The following PCDH11Y variants were observed in gnomAD, a reference collection of about 807,000 sequenced individuals.
PCDH11Y encodes protocadherin 11 Y-linked.
For synonymous variants in PCDH11Y, 9 were observed against 83.6 expected (o/e 0.11, Z 4.87); for missense variants, 12 against 224.8 (o/e 0.05, Z 6.05).
intron 2 of PCDH11Y, among the ~76,000 whole-genome samples, chrY:5,341,197 C>G (rs2124668783): frequency 3.0e-5 from 1 of 33,466 alleles, no homozygotes; most frequent in Non-Finnish European, 7.4e-5. Context: ...ACTCCCCCTC[C>G]TGGGCTCAAG....
At chrY:5,062,169 A>G in intron 1 of PCDH11Y, among the ~76,000 whole-genome samples, 1 of 30,713 alleles carries the variant, frequency 3.3e-5, no homozygotes, top group Non-Finnish European at 7.9e-5. Flanking sequence ...TTATGTAACC[A>G]TAACTCAAAG....
intron 4 of PCDH11Y, among the ~76,000 whole-genome samples, chrY:5,719,998 A>C: frequency 2.1e-4 from 7 of 33,645 alleles, no homozygotes; most frequent in African/African-American, 8.1e-4. Flanking sequence ...TGACCACCTC[A>C]CTGGATTTCA....
Position 5,727,039 on chromosome Y carries a change from C to T in PCDH11Y, c.3353-10233C>T, listed in dbSNP as rs2556830. Among the ~76,000 whole-genome samples the T allele has an allele frequency of 9.1e-5, 3 of 32,960 alleles. No homozygotes were observed. In the East Asian group the frequency reaches 2.4e-3, roughly 26 times the overall value. The allele number at this position is 32,960 out of a possible 37,273, so 88.4% of individuals were successfully genotyped here. On this transcript the variant is annotated intron_variant, in intron 4 of 4. Coordinates refer to the PCDH11Y transcript ENST00000400457. ...AAGAAAGATAAATGGTTATCTAATG[C>T]GGAGCTATTAGTCTTACTATAACTT...
At chrY:5,245,287 T>C in intron 2 of PCDH11Y, among the ~76,000 whole-genome samples, 2 of 31,793 alleles carry the variant, frequency 6.3e-5, no homozygotes, top group Non-Finnish European at 1.5e-4. Flanking sequence ...CTGCTCCCCA[T>C]GCCACCCAAC....
intron 2 of PCDH11Y, among the ~76,000 whole-genome samples, chrY:5,179,625 A>G: frequency 3.0e-5 from 1 of 33,604 alleles, no homozygotes; most frequent in Non-Finnish European, 7.4e-5. Context: ...CTTTCGTTTA[A>G]TTAGATCCCA....
intron 2 of PCDH11Y, among the ~76,000 whole-genome samples, chrY:5,318,594 TCTAA>T (rs2053109455): frequency 2.7e-4 from 9 of 32,896 alleles, no homozygotes; most frequent in Middle Eastern, 0.014. Context: ...TAGTCCTAAA[TCTAA>T]CTGTTTTCAT....
At chrY:5,421,181 A>G in intron 2 of PCDH11Y, among the ~76,000 whole-genome samples, 1 of 31,880 alleles carries the variant, frequency 3.1e-5, no homozygotes, top group Non-Finnish European at 7.6e-5. Context: ...TGGAGGTTGC[A>G]GTGAGCCAAG....
intron 2 of PCDH11Y, among the ~76,000 whole-genome samples, chrY:5,383,000 G>A (rs1602915918): frequency 1.5e-4 from 5 of 32,331 alleles, no homozygotes; most frequent in African/African-American, 6.1e-4. Flanking sequence ...TCAGGAGTTC[G>A]AGACCAGCCT....
intron 4 of PCDH11Y, among the ~76,000 whole-genome samples, chrY:5,690,314 T>G: frequency 3.0e-5 from 1 of 33,142 alleles, no homozygotes; most frequent in Non-Finnish European, 7.5e-5. Flanking sequence ...TTTTTATTCC[T>G]GGGCACAATA....
intron 2 of PCDH11Y, among the ~76,000 whole-genome samples, chrY:5,242,083 C>G (rs2052988854): frequency 3.8e-5 from 1 of 26,377 alleles, no homozygotes; most frequent in Non-Finnish European, 8.6e-5. Flanking sequence ...AACCTTGTCT[C>G]TATAAAAAAA....
chrY:5,393,471 T>C, intron 2 of PCDH11Y, among the ~76,000 whole-genome samples: 1 of 27,278 alleles, frequency 3.7e-5, no homozygotes, highest in Non-Finnish European at 8.4e-5. Context: ...GAAGATTACT[T>C]GAGCCCAGGA....
chrY:5,546,620 C>G (rs2124693569), intron 3 of PCDH11Y, among the ~76,000 whole-genome samples: 1 of 31,759 alleles, frequency 3.1e-5, no homozygotes, highest in African/African-American at 1.2e-4. Context: ...TGAAAGGCAG[C>G]TGGAAGAGGT....
At chrY:5,088,323 A>C in intron 1 of PCDH11Y, among the ~76,000 whole-genome samples, 2 of 33,049 alleles carry the variant, frequency 6.1e-5, no homozygotes, top group Admixed American at 5.5e-4. Context: ...ACTGCTATCA[A>C]TCATTAAAAA....
chrY:5,099,030 C>G, exon 2 of PCDH11Y: 1 of 394,710 alleles, frequency 2.5e-6, no homozygotes, highest in Admixed American at 7.7e-5. Context: ...CAGCAATGCT[C>G]TTCATCAAAG....
intron 4 of PCDH11Y, among the ~76,000 whole-genome samples, chrY:5,626,166 G>A (rs1602953682): frequency 3.2e-5 from 1 of 31,349 alleles, no homozygotes; most frequent in Non-Finnish European, 7.7e-5. Context: ...TATCAATTTC[G>A]TCTAGATTTT....
chrY:5,173,640 T>C, intron 2 of PCDH11Y, among the ~76,000 whole-genome samples: 3 of 33,039 alleles, frequency 9.1e-5, no homozygotes, highest in African/African-American at 3.5e-4. Context: ...GACAAAATTA[T>C]ATTTCAGCAT....
chrY:5,028,931 A>G lies in PCDH11Y; in HGVS notation c.-133-2975A>G, dbSNP rs1602840258. Among the ~76,000 whole-genome samples, 8 of 32,791 alleles carry G rather than the reference A, an allele frequency of 2.4e-4. No homozygotes were observed. In the South Asian group the frequency reaches 5.5e-3, roughly 22 times the overall value. The allele number at this position is 32,791 out of a possible 37,273, so 88.0% of individuals were successfully genotyped here. On this transcript the variant is annotated intron_variant, in intron 1 of 5. Transcript: ENST00000333703. ...GGGAGACAGAGAGAGAGAGAGAAAT[A>G]TTGGTGAAGTAGTATTTTAATTCAC...
At chrY:5,384,223 C>G in intron 2 of PCDH11Y, among the ~76,000 whole-genome samples, 1 of 32,296 alleles carries the variant, frequency 3.1e-5, no homozygotes, top group Non-Finnish European at 7.5e-5. Flanking sequence ...GGTAGAATCT[C>G]TCAGTCTGCT....
chrY:5,022,388 G>A, intron 1 of PCDH11Y, among the ~76,000 whole-genome samples: 4 of 30,280 alleles, frequency 1.3e-4, no homozygotes, highest in East Asian at 8.5e-4. Context: ...GAGGTGGAGT[G>A]GGGCAGAGAG....
Sources: allele counts gnomAD v4.1 joint callset (sites outside exome capture counted in the v4.1 genomes callset), GRCh38; gene constraint gnomAD v4.1.1; transcripts MANE v1.5; gene names NCBI Gene and HGNC (gene_info 2026-07-23, HGNC 2026-07-21).